The following ADAM23 variants were observed in gnomAD, a reference collection of about 807,000 sequenced individuals.
ADAM23 encodes the protein disintegrin and metalloproteinase domain-containing protein 23.
Under a neutral mutation model 120.1 loss-of-function variants are expected in ADAM23, and 33 were observed. The ratio of observed to expected loss-of-function variants is 0.27; its 90% CI spans 0.21 to 0.37. The LOEUF is 0.37. Among genes scored for constraint, ADAM23 ranks in the 10% least tolerant of loss-of-function variants. ADAM23 has a pLI of 1.00. For missense variants in ADAM23, 862 were observed against 1,058.2 expected, an observed-to-expected ratio of 0.81 and a Z score of 2.57; for synonymous variants, 367 against 375.2, an observed-to-expected ratio of 0.98 and a Z score of 0.25.
At chr2:206,556,807 C>A (rs979978443) in intron 9 of ADAM23, among the ~76,000 whole-genome samples, 2 of 152,108 alleles carry the variant, frequency 1.3e-5, no homozygotes, top group Non-Finnish European at 2.9e-5. Context: ...AGGCATTCCT[C>A]TGAAAGGATA....
At chr2:206,600,976 A>C (rs545875573) in intron 24 of ADAM23, among the ~76,000 whole-genome samples, 1 of 152,256 alleles carries the variant, frequency 6.6e-6, no homozygotes, top group East Asian at 1.9e-4. Context: ...TCCTTCTCTC[A>C]ACTTGTTTCC....
At chr2:206,546,771 C>T (rs756915338) in intron 6 of ADAM23, among the ~76,000 whole-genome samples, 2 of 152,038 alleles carry the variant, frequency 1.3e-5, no homozygotes, top group Non-Finnish European at 2.9e-5. Context: ...CACTATATGG[C>T]GTCTTTGTCA....
intron 18 of ADAM23, among the ~76,000 whole-genome samples, chr2:206,579,469 A>C (rs1698180701): frequency 1.3e-5 from 2 of 152,180 alleles, no homozygotes; most frequent in African/African-American, 4.8e-5. Flanking sequence ...CATTTATCCC[A>C]GCACCATTTA....
At chr2:206,570,638 A>T (rs114512451) in intron 15 of ADAM23, 102 bp from the exon 16 acceptor site, 2 of 835,542 alleles carry the variant, frequency 2.4e-6, no homozygotes, top group South Asian at 1.5e-5. Context: ...GAAGAATATC[A>T]CATGATAGCT....
At chr2:206,548,979 T>C (rs1487306868) in intron 8 of ADAM23, among the ~76,000 whole-genome samples, 1 of 152,120 alleles carries the variant, frequency 6.6e-6, no homozygotes, top group Non-Finnish European at 1.5e-5. Flanking sequence ...GAAATTATGT[T>C]TCTGGTCTTT....
intron 4 of ADAM23, among the ~76,000 whole-genome samples, chr2:206,538,583 T>C (rs1253187017): frequency 1.3e-5 from 2 of 152,188 alleles, no homozygotes; most frequent in Non-Finnish European, 2.9e-5. Context: ...CAGTGTATGG[T>C]CACTATCAAT....
intron 18 of ADAM23, among the ~76,000 whole-genome samples, chr2:206,584,782 A>G (rs1698288948): frequency 6.6e-6 from 1 of 152,104 alleles, no homozygotes; most frequent in Non-Finnish European, 1.5e-5. Flanking sequence ...CAAATTGTTA[A>G]AAAGTTCAGC....
rs557472089 is a variant in ADAM23 at position 206,603,764 on chromosome 2, A to T, written c.2360-6146A>T. Among the ~76,000 whole-genome samples the T allele has an allele frequency of 5.9e-5, 9 of 152,368 alleles. No homozygotes were observed. In the South Asian group the frequency reaches 1.9e-3, roughly 32 times the overall value. On this transcript the variant is annotated intron_variant, in intron 24 of 25. Coordinates refer to ENST00000264377, the MANE Select transcript of ADAM23 (RefSeq NM_003812.4). The stretch of plus-strand genomic sequence containing the variant: ...GAGAAATTACATCCATAGCAAAGAC[A>T]AAAGTCTTTTTAAATTATTTTTATT...
rs1426332207 is a variant in ADAM23 at position 206,480,151 on chromosome 2, G to A, written c.433-1081G>A. Among the ~76,000 whole-genome samples, 5 of 152,176 alleles carry A rather than the reference G, an allele frequency of 3.3e-5. No homozygotes were observed. The South Asian group carries it at 8.3e-4, about 25-fold the overall frequency. ...ATAAAGTGCTTCCAAAGCCCTGAACGTGAAGACTGTGTGAAGAAAGACTTC... is the reference window on the plus strand; with the variant it reads ...ATAAAGTGCTTCCAAAGCCCTGAACATGAAGACTGTGTGAAGAAAGACTTC... On this transcript the variant is annotated intron_variant, in intron 2 of 25. Transcript: ENST00000264377.
At chr2:206,531,069 A>T in intron 4 of ADAM23, 121 bp downstream of exon 4, 1 of 699,816 alleles carries the variant, frequency 1.4e-6, no homozygotes, top group Admixed American at 3.3e-5. Context: ...TTTTACAATG[A>T]TACTATTTTT....
At chr2:206,591,464 CTGT>C (rs1559280045) in intron 21 of ADAM23, among the ~76,000 whole-genome samples, 1 of 152,152 alleles carries the variant, frequency 6.6e-6, no homozygotes, top group African/African-American at 2.4e-5. Flanking sequence ...GTATAGCTGT[CTGT>C]TGTTCATTTT....
At chr2:206,567,392 G>T in intron 15 of ADAM23, 70 bp downstream of exon 15, 2 of 1,220,046 alleles carry the variant, frequency 1.6e-6, no homozygotes, top group South Asian at 1.4e-5. Context: ...AACAGTGCTG[G>T]ATATCAGACG....
At chr2:206,596,983 C>G (rs1698540320) in intron 24 of ADAM23, among the ~76,000 whole-genome samples, 1 of 138,538 alleles carries the variant, frequency 7.2e-6, no homozygotes, top group South Asian at 2.4e-4. Context: ...TCATGGCTCA[C>G]TGAAGCCTCA....
intron 2 of ADAM23, among the ~76,000 whole-genome samples, chr2:206,445,947 C>T (rs1275065321): frequency 1.3e-5 from 2 of 152,194 alleles, no homozygotes; most frequent in African/African-American, 2.4e-5. Context: ...TATTTGGCTG[C>T]AGTGTCTCCA....
At chr2:206,531,080 A>G (rs961842726) in intron 4 of ADAM23, 132 bp downstream of exon 4, 5 of 633,110 alleles carry the variant, frequency 7.9e-6, no homozygotes, top group Non-Finnish European at 1.0e-5. Context: ...TACTATTTTT[A>G]GTGAGGAGAA....
chr2:206,533,425 G>A (rs1335684435), intron 4 of ADAM23, among the ~76,000 whole-genome samples: 1 of 152,056 alleles, frequency 6.6e-6, no homozygotes, highest in Non-Finnish European at 1.5e-5. Flanking sequence ...GGCTGGTCTC[G>A]AACTGCTGAC....
chr2:206,613,429 A>G (rs1452736198), intron 25 of ADAM23, among the ~76,000 whole-genome samples: 1 of 152,206 alleles, frequency 6.6e-6, no homozygotes, highest in African/African-American at 2.4e-5. Context: ...AGTCCCAGGT[A>G]TTGAGGGTCT....
At chr2:206,495,015 A>C (rs541418600) in intron 3 of ADAM23, among the ~76,000 whole-genome samples, 71 of 152,354 alleles carry the variant, frequency 4.7e-4, no homozygotes, top group African/African-American at 1.6e-3. Flanking sequence ...GACCAAATCT[A>C]CGTCTAATTG....
intron 2 of ADAM23, among the ~76,000 whole-genome samples, chr2:206,454,209 A>G (rs1357004914): frequency 1.3e-5 from 2 of 152,162 alleles, no homozygotes; most frequent in Non-Finnish European, 2.9e-5. Flanking sequence ...AAGCATGGCT[A>G]GGAGGTCTCA....
Sources: gnomAD v4.1 joint callset for allele counts (sites outside exome capture counted in the v4.1 genomes callset) on GRCh38, gnomAD v4.1.1 for gene constraint, MANE v1.5 for transcripts, NCBI Gene and HGNC (gene_info 2026-07-23, HGNC 2026-07-21) for gene names.